SPATA16: variants seen among roughly 807,000 people sequenced by gnomAD.
SPATA16 encodes spermatogenesis-associated protein 16.
A neutral mutation model predicts 63.3 loss-of-function variants in SPATA16; 36 were observed. The observed-to-expected ratio is 0.57, with a 90% confidence interval of 0.44 to 0.75. SPATA16 has a LOEUF of 0.75. Among genes scored for constraint, SPATA16 ranks in the 30% least tolerant of loss-of-function variants. SPATA16 has a pLI of 0.00. For synonymous variants in SPATA16, 203 were observed against 216.7 expected (o/e 0.94, Z 0.56); for missense variants, 646 against 679.3 (o/e 0.95, Z 0.54).
chr3:173,131,860 A>G (rs73177055), intron 1 of SPATA16, among the ~76,000 whole-genome samples: 5,276 of 152,292 alleles, frequency 0.035, 144 homozygotes, highest in Non-Finnish European at 0.05. Context: ...TCCATTATGG[A>G]GGAAGATACA....
chr3:172,899,701 C>A (rs1199924670), intron 10 of SPATA16, among the ~76,000 whole-genome samples: 2 of 152,010 alleles, frequency 1.3e-5, no homozygotes, highest in Non-Finnish European at 2.9e-5. Flanking sequence ...TTGTTTCACT[C>A]CCCCTACCTT....
intron 2 of SPATA16, among the ~76,000 whole-genome samples, chr3:173,108,011 A>G (rs1353611216): frequency 2.0e-5 from 3 of 152,214 alleles, no homozygotes; most frequent in Admixed American, 6.5e-5. Context: ...GAAGAATGAC[A>G]GAATTAACTA....
intron 6 of SPATA16, among the ~76,000 whole-genome samples, chr3:172,947,833 G>C (rs1420354002): frequency 6.6e-6 from 1 of 151,958 alleles, no homozygotes; most frequent in African/African-American, 2.4e-5. Flanking sequence ...ATATATGTGG[G>C]GTTTAAAACC....
At chr3:173,032,554 A>G (rs1371204488) in intron 3 of SPATA16, among the ~76,000 whole-genome samples, 2 of 152,134 alleles carry the variant, frequency 1.3e-5, no homozygotes, top group Non-Finnish European at 2.9e-5. Flanking sequence ...CCAAAAAATA[A>G]GAACTTTTAG....
rs781047974 is a variant in SPATA16 at position 173,117,608 on chromosome 3, C to T, written c.124G>A (p.Glu42Lys). 5 of 1,613,560 alleles carry T rather than the reference C, an allele frequency of 3.1e-6. No individual in the cohort carries two copies. The highest frequency in any genetic ancestry group is 4.2e-6 in the Non-Finnish European group (5 of 1,179,756). The change falls in exon 2 of 11, where the codon GAA becomes AAA. Residue 42 changes from glutamate (E) to lysine (K), a missense_variant. Glu to Lys is a moderately conservative substitution (Grantham distance 56). Coordinates refer to ENST00000351008, the MANE Select transcript of SPATA16 (RefSeq NM_031955.6). Reference protein sequence around the residue: ...STLAHPPNILEMSQEIKKNCG... With the variant: ...STLAHPPNILKMSQEIKKNCG... ...TTTTTCTTAATCTCTTGTGACATTTCCAGGATGTTAGGTGGGTGCGCTAAG... is the reference window on the plus strand; with the variant it reads ...TTTTTCTTAATCTCTTGTGACATTTTCAGGATGTTAGGTGGGTGCGCTAAG...
chr3:173,125,662 C>A (rs1276310820), intron 1 of SPATA16, among the ~76,000 whole-genome samples: 1 of 152,058 alleles, frequency 6.6e-6, no homozygotes, highest in Admixed American at 6.5e-5. Context: ...AATAAGCCTT[C>A]TCTGATGAAC....
chr3:172,890,162 G>A (rs566487384), intron 10 of SPATA16, among the ~76,000 whole-genome samples: 4 of 152,238 alleles, frequency 2.6e-5, no homozygotes, highest in African/African-American at 9.6e-5. Context: ...ATGAGTATTT[G>A]TATAGTCTTG....
At chr3:172,890,384 C>T (rs187353520) in intron 10 of SPATA16, among the ~76,000 whole-genome samples, 3 of 152,248 alleles carry the variant, frequency 2.0e-5, no homozygotes, top group African/African-American at 7.2e-5. Flanking sequence ...TAAAAGTTTA[C>T]ACATATGCTG....
At chr3:172,911,198 T>G (rs1203828717) in intron 10 of SPATA16, among the ~76,000 whole-genome samples, 2 of 152,180 alleles carry the variant, frequency 1.3e-5, no homozygotes, top group African/African-American at 2.4e-5. Context: ...CCAAATTTAG[T>G]TTTTCCAAAA....
chr3:173,115,676 G>A (rs1055599257), intron 2 of SPATA16, among the ~76,000 whole-genome samples: 1 of 152,042 alleles, frequency 6.6e-6, no homozygotes. Flanking sequence ...ATCTACTCAG[G>A]TCTGTTTTTG....
At chr3:172,903,223 C>T (rs1206198415) in intron 10 of SPATA16, among the ~76,000 whole-genome samples, 1 of 152,208 alleles carries the variant, frequency 6.6e-6, no homozygotes, top group Admixed American at 6.5e-5. Context: ...ATAGAAGGAA[C>T]TACAAACTTA....
At chr3:173,029,070 A>T (rs34640751) in intron 3 of SPATA16, among the ~76,000 whole-genome samples, 1 of 152,044 alleles carries the variant, frequency 6.6e-6, no homozygotes, top group Non-Finnish European at 1.5e-5. Context: ...GCTCAGTTCA[A>T]CATAAGGGGG....
chr3:173,007,622 T>C (rs888641958), intron 4 of SPATA16, among the ~76,000 whole-genome samples: 2 of 152,228 alleles, frequency 1.3e-5, no homozygotes, highest in African/African-American at 4.8e-5. Context: ...CATTTTAGAA[T>C]ACCTATTTTT....
At chr3:172,951,509 A>C (rs1286530225) in intron 6 of SPATA16, among the ~76,000 whole-genome samples, 2 of 151,608 alleles carry the variant, frequency 1.3e-5, no homozygotes, top group Admixed American at 1.3e-4. Flanking sequence ...AAAAAAAAAA[A>C]TTTAAACCTA....
chr3:173,051,458 T>TC (rs1474859977), intron 2 of SPATA16, among the ~76,000 whole-genome samples: 3 of 152,224 alleles, frequency 2.0e-5, no homozygotes, highest in South Asian at 4.1e-4. Context: ...CACCTTGGCC[T>TC]CCAAAGTGCT....
chr3:173,058,194 A>G (rs1324159100), intron 2 of SPATA16, among the ~76,000 whole-genome samples: 1 of 152,122 alleles, frequency 6.6e-6, no homozygotes, highest in African/African-American at 2.4e-5. Context: ...TGAATATATC[A>G]TGAACATTTT....
At chr3:173,026,109 G>T (rs1484577950) in intron 3 of SPATA16, among the ~76,000 whole-genome samples, 12 of 151,924 alleles carry the variant, frequency 7.9e-5, no homozygotes, top group Admixed American at 7.9e-4. Flanking sequence ...TGCGTGTGTT[G>T]TGTTTAAAGT....
intron 3 of SPATA16, among the ~76,000 whole-genome samples, chr3:173,025,828 A>G (rs534691078): frequency 6.6e-6 from 1 of 152,054 alleles, no homozygotes; most frequent in South Asian, 2.1e-4. Context: ...AGTTTCCACA[A>G]TTTGTTTATT....
chr3:172,987,792 G>T (rs954219801), intron 4 of SPATA16, among the ~76,000 whole-genome samples: 1 of 152,124 alleles, frequency 6.6e-6, no homozygotes, highest in Non-Finnish European at 1.5e-5. Flanking sequence ...CCCATTCACA[G>T]CAGAGAAACA....
Sources: allele counts gnomAD v4.1 joint callset (sites outside exome capture counted in the v4.1 genomes callset), GRCh38; gene constraint gnomAD v4.1.1; transcripts MANE v1.5; gene names NCBI Gene and HGNC (gene_info 2026-07-23, HGNC 2026-07-21).